FBP2: variants seen among roughly 807,000 people sequenced by gnomAD.
The protein encoded by FBP2 is fructose-1,6-bisphosphatase isozyme 2.
FBP2 carries 27 observed loss-of-function variants against 31.6 expected under a neutral mutation model. That is an observed-to-expected ratio of 0.85 (90% CI 0.63 to 1.18). The LOEUF (loss-of-function observed/expected upper bound fraction) is 1.18. Ranked by LOEUF, FBP2 falls within the 50% of genes most tolerant of loss-of-function variation. The pLI is 0.00. For missense variants in FBP2, 421 were observed against 436.1 expected (o/e 0.97, Z 0.31); for synonymous variants, 168 against 179.8 (o/e 0.93, Z 0.53).
intron 3 of FBP2, among the ~76,000 whole-genome samples, chr9:94,579,455 C>T (rs1827354049): frequency 6.9e-6 from 1 of 144,320 alleles, no homozygotes; most frequent in Admixed American, 6.9e-5. Flanking sequence ...AAAATAATGA[C>T]TGATATCTAA....
chr9:94,578,568 A>G (rs1270964233), intron 3 of FBP2, among the ~76,000 whole-genome samples: 1 of 152,130 alleles, frequency 6.6e-6, no homozygotes. Flanking sequence ...ATAATAAATT[A>G]TGGGACTAAT....
At chr9:94,593,482 A>C in intron 1 of FBP2, 75 bp downstream of exon 1, 1 of 1,441,604 alleles carries the variant, frequency 6.9e-7, no homozygotes, top group Non-Finnish European at 9.3e-7. Context: ...GTTTCTTGCC[A>C]AAGCACCTGC....
Position 94,563,337 on chromosome 9 carries a change from A to C in FBP2, c.825+5T>G, listed in dbSNP as rs1172348642. On this transcript the variant is annotated splice_donor_5th_base_variant and intron_variant, in intron 6 of 6. Transcript: ENST00000375337. ...ATGCACAGCCAGTGGACAAGGGAGAATTACCTTGCCCTTAGGGCTCTTCTG... is the reference window on the plus strand; with the variant it reads ...ATGCACAGCCAGTGGACAAGGGAGACTTACCTTGCCCTTAGGGCTCTTCTG... 1.2e-6 allele frequency: 2 copies of C among 1,613,482 alleles called. No homozygotes were observed. Among genetic ancestry groups the C allele is most frequent in the Non-Finnish European group, 1.7e-6 (2 of 1,179,738 alleles).
intron 1 of FBP2, among the ~76,000 whole-genome samples, chr9:94,591,497 G>T (rs994805101): frequency 6.6e-6 from 1 of 152,178 alleles, no homozygotes; most frequent in African/African-American, 2.4e-5. Flanking sequence ...AGCGCCGCAC[G>T]CAGCCCCAGT....
At chr9:94,585,739 C>CA (rs773532423) in intron 2 of FBP2, among the ~76,000 whole-genome samples, 3 of 152,214 alleles carry the variant, frequency 2.0e-5, no homozygotes, top group Non-Finnish European at 2.9e-5. Context: ...CCTCCCACCT[C>CA]AGACTCCCAA....
intron 4 of FBP2, chr9:94,569,164 T>C (rs58468262): frequency 6.6e-6 from 1 of 152,190 alleles, no homozygotes; most frequent in Admixed American, 6.5e-5. Context: ...CTGGGCCTCT[T>C]GTAGGCCAAG....
At chr9:94,565,919 C>T (rs1827182744) in intron 5 of FBP2, among the ~76,000 whole-genome samples, 1 of 152,100 alleles carries the variant, frequency 6.6e-6, no homozygotes, top group African/African-American at 2.4e-5. Context: ...ACTAATTACA[C>T]CCATTCATTT....
intron 3 of FBP2, among the ~76,000 whole-genome samples, chr9:94,581,249 G>A (rs1827369683): frequency 6.6e-6 from 1 of 152,060 alleles, no homozygotes; most frequent in Admixed American, 6.6e-5. Flanking sequence ...ACATAGTAAG[G>A]GCCAGTCTTA....
At chr9:94,587,254 C>T (rs1475305013) in intron 2 of FBP2, 53 bp downstream of exon 2, 11 of 1,496,262 alleles carry the variant, frequency 7.4e-6, no homozygotes, top group African/African-American at 1.4e-5. Flanking sequence ...AGCTTATTTC[C>T]GGCTCAGTAT....
rs558729906 is a variant in FBP2 at position 94,586,866 on chromosome 9, C to T, written c.333+441G>A. On this transcript the variant is annotated intron_variant, in intron 2 of 6. Coordinates refer to ENST00000375337, the MANE Select transcript of FBP2 (RefSeq NM_003837.4). ...CTTGTGGTTTTGTTTCTGGACCAGTCTAACAGCTTGTCAGGCACTAAGAAA... is the reference window on the plus strand; with the variant it reads ...CTTGTGGTTTTGTTTCTGGACCAGTTTAACAGCTTGTCAGGCACTAAGAAA... 9 of 159,968 alleles carry T rather than the reference C, an allele frequency of 5.6e-5. No individual in the cohort carries two copies. In the South Asian group the frequency reaches 1.7e-3, roughly 30 times the overall value. The allele number at this position is 159,968 out of a possible 1,614,324, so 9.9% of individuals were successfully genotyped here.
intron 5 of FBP2, 120 bp downstream of exon 5, chr9:94,567,150 T>G: frequency 1.0e-6 from 1 of 966,966 alleles, no homozygotes; most frequent in Non-Finnish European, 1.6e-6. Flanking sequence ...ATCTTCATAC[T>G]GACCACAGCC....
intron 6 of FBP2, among the ~76,000 whole-genome samples, chr9:94,560,782 C>T (rs966742870): frequency 1.9e-4 from 27 of 145,642 alleles, no homozygotes; most frequent in African/African-American, 6.5e-4. Context: ...TATATTTTTT[C>T]TATTGTATAT....
At chr9:94,579,069 A>AAAAAAAG (rs1827347313) in intron 3 of FBP2, among the ~76,000 whole-genome samples, 2 of 137,772 alleles carry the variant, frequency 1.5e-5, no homozygotes, top group African/African-American at 5.5e-5. Flanking sequence ...AAAAAAAAAA[A>AAAAAAAG]GGTTATTTTA....
chr9:94,569,924 T>C (rs1013955090), intron 4 of FBP2: 1 of 152,232 alleles, frequency 6.6e-6, no homozygotes, highest in African/African-American at 2.4e-5. Context: ...ATGGCATTTC[T>C]ATCTGTGACA....
chr9:94,565,476 G>A (rs112372776), intron 5 of FBP2, among the ~76,000 whole-genome samples: 10,853 of 151,426 alleles, frequency 0.072, 471 homozygotes, highest in South Asian at 0.16. Context: ...TTTATGTGAT[G>A]TGTTACACAG....
chr9:94,584,969 G>A (rs1827411385), intron 2 of FBP2, among the ~76,000 whole-genome samples: 1 of 152,122 alleles, frequency 6.6e-6, no homozygotes, highest in African/African-American at 2.4e-5. Flanking sequence ...GGCAGCTCAA[G>A]CCACCAAGGG....
chr9:94,560,845 C>T (rs575655321), intron 6 of FBP2, among the ~76,000 whole-genome samples: 1 of 150,974 alleles, frequency 6.6e-6, no homozygotes, highest in South Asian at 2.1e-4. Flanking sequence ...GCTGGAGATC[C>T]AGGCATTCGA....
chr9:94,577,263 A>C (rs985511307), intron 3 of FBP2: 1 of 152,114 alleles, frequency 6.6e-6, no homozygotes, highest in Non-Finnish European at 1.5e-5. Context: ...TTTGTCCTCT[A>C]CATCTCTTTC....
intron 5 of FBP2, among the ~76,000 whole-genome samples, chr9:94,566,185 A>C (rs1183566278): frequency 6.6e-6 from 1 of 152,250 alleles, no homozygotes; most frequent in East Asian, 1.9e-4. Flanking sequence ...TTTAAAGGGC[A>C]CTGTTGGGAA....
Sources: allele counts gnomAD v4.1 joint callset (sites outside exome capture counted in the v4.1 genomes callset), GRCh38; gene constraint gnomAD v4.1.1; transcripts MANE v1.5; gene names NCBI Gene and HGNC (gene_info 2026-07-23, HGNC 2026-07-21).